SMYD3: variants seen among roughly 807,000 people sequenced by gnomAD.
SMYD3 encodes the protein SET and MYND domain containing 3.
A neutral mutation model predicts 57.7 loss-of-function variants in SMYD3; 36 were observed. That is an observed-to-expected ratio of 0.62 (90% confidence interval 0.48 to 0.82). The LOEUF is 0.82. Among genes scored for constraint, SMYD3 ranks in the 40% least tolerant of loss-of-function variants. The pLI, the probability that SMYD3 is intolerant of heterozygous loss-of-function variation, is 0.00. For synonymous variants in SMYD3, 211 were observed against 195.0 expected, an observed-to-expected ratio of 1.08 and a Z score of -0.68; for missense variants, 515 against 538.8, an observed-to-expected ratio of 0.96 and a Z score of 0.44.
intron 10 of SMYD3, among the ~76,000 whole-genome samples, chr1:245,835,185 T>C (rs539902344): frequency 7.0e-6 from 1 of 143,870 alleles, no homozygotes; most frequent in African/African-American, 2.6e-5. Flanking sequence ...AACAGCGCAA[T>C]CTTGGCTCAC....
intron 5 of SMYD3, among the ~76,000 whole-genome samples, chr1:246,275,672 C>A (rs2148558001): frequency 6.6e-6 from 1 of 151,090 alleles, no homozygotes; most frequent in South Asian, 2.1e-4. Flanking sequence ...GTCTGATGCC[C>A]ATGTTTGAAT....
At chr1:246,051,659 A>G (rs146004288) in intron 5 of SMYD3, among the ~76,000 whole-genome samples, 92 of 152,266 alleles carry the variant, frequency 6.0e-4, no homozygotes, top group African/African-American at 1.6e-3. Context: ...GTACAAAAAA[A>G]AAAAAGAAAA....
At chr1:246,125,086 AAAC>A (rs1457904556) in intron 5 of SMYD3, among the ~76,000 whole-genome samples, 32 of 111,148 alleles carry the variant, frequency 2.9e-4, no homozygotes, top group African/African-American at 5.7e-4. Context: ...AAAAAAAAAA[AAAC>A]ACACACACAC....
At chr1:245,763,968 A>C in intron 11 of SMYD3, 73 bp downstream of exon 11, 1 of 1,149,088 alleles carries the variant, frequency 8.7e-7, no homozygotes, top group Non-Finnish European at 1.3e-6. Context: ...CTGCTAACAA[A>C]TCACAAAGAG....
At chr1:245,788,367 T>C (rs559549349) in intron 10 of SMYD3, among the ~76,000 whole-genome samples, 2 of 152,238 alleles carry the variant, frequency 1.3e-5, no homozygotes, top group Non-Finnish European at 2.9e-5. Context: ...TGGAATAGAC[T>C]ACAAGCTTTG....
chr1:245,927,808 T>C (rs2056475142), intron 7 of SMYD3, 123 bp downstream of exon 7: 4 of 706,624 alleles, frequency 5.7e-6, no homozygotes, highest in Non-Finnish European at 9.8e-6. Context: ...CTACAAATAC[T>C]CTCACTGGCA....
chr1:245,867,653 C>T (rs1208578396), intron 8 of SMYD3, among the ~76,000 whole-genome samples: 2 of 132,324 alleles, frequency 1.5e-5, no homozygotes, highest in South Asian at 2.3e-4. Context: ...CATGCGCGTG[C>T]GTGTGCGTGC....
chr1:246,112,900 G>A (rs1245009586), intron 5 of SMYD3, among the ~76,000 whole-genome samples: 1 of 152,134 alleles, frequency 6.6e-6, no homozygotes, highest in Non-Finnish European at 1.5e-5. Flanking sequence ...AATAAATTTA[G>A]GCGGGGCACA....
At chr1:246,001,329 C>T (rs1014654583) in intron 5 of SMYD3, among the ~76,000 whole-genome samples, 5 of 152,202 alleles carry the variant, frequency 3.3e-5, no homozygotes, top group Admixed American at 1.3e-4. Context: ...AGTCCAAACA[C>T]GTCTGCCTAC....
intron 5 of SMYD3, among the ~76,000 whole-genome samples, chr1:245,990,745 G>A (rs1038092042): frequency 2.0e-5 from 3 of 152,208 alleles, no homozygotes; most frequent in African/African-American, 7.2e-5. Context: ...AGCCGGCCCT[G>A]CCAACAATCT....
chr1:245,996,308 A>C (rs1021362062), intron 5 of SMYD3, among the ~76,000 whole-genome samples: 2 of 152,220 alleles, frequency 1.3e-5, no homozygotes, highest in Non-Finnish European at 2.9e-5. Context: ...AGGGCAGCTC[A>C]TAACTTCCCT....
intron 5 of SMYD3, among the ~76,000 whole-genome samples, chr1:246,279,553 G>A (rs571648735): frequency 2.7e-4 from 41 of 152,204 alleles, no homozygotes; most frequent in South Asian, 1.0e-3. Flanking sequence ...AAAGATTGTT[G>A]AGACCAATGG....
intron 5 of SMYD3, among the ~76,000 whole-genome samples, chr1:246,308,924 C>A (rs909524584): frequency 6.6e-6 from 1 of 152,028 alleles, no homozygotes; most frequent in Non-Finnish European, 1.5e-5. Context: ...TATTATCCAT[C>A]TAAAAAATGT....
chr1:246,490,073 C>A (rs1032386671), intron 1 of SMYD3, among the ~76,000 whole-genome samples: 4 of 145,762 alleles, frequency 2.7e-5, no homozygotes, highest in Non-Finnish European at 5.9e-5. Context: ...AGCTTCTGGG[C>A]TCAAGTGATC....
At chr1:246,359,175 T>C (rs2065952412) in intron 1 of SMYD3, among the ~76,000 whole-genome samples, 1 of 152,216 alleles carries the variant, frequency 6.6e-6, no homozygotes, top group Admixed American at 6.5e-5. Context: ...TCAAGGCTAC[T>C]ATGAACACCT....
chr1:246,457,544 A>AAAAAGAAAAG (rs1553351025), intron 1 of SMYD3, among the ~76,000 whole-genome samples: 49 of 87,266 alleles, frequency 5.6e-4, no homozygotes, highest in South Asian at 1.1e-3. Flanking sequence ...AAAAAAAAAA[A>AAAAAGAAAAG]AAAAGAAAAG....
intron 5 of SMYD3, among the ~76,000 whole-genome samples, chr1:246,102,593 G>A (rs972402001): frequency 1.3e-5 from 2 of 151,896 alleles, no homozygotes; most frequent in East Asian, 3.9e-4. Flanking sequence ...GTTTTCACCG[G>A]CTAGCACGTT....
chr1:246,067,932 G>C (rs1398856404), intron 5 of SMYD3, among the ~76,000 whole-genome samples: 2 of 152,206 alleles, frequency 1.3e-5, no homozygotes, highest in Non-Finnish European at 2.9e-5. Context: ...AGTAGCTGCT[G>C]CAGGAAGGGG....
At chr1:246,433,378 G>A (rs1266707619) in intron 1 of SMYD3, among the ~76,000 whole-genome samples, 1 of 152,134 alleles carries the variant, frequency 6.6e-6, no homozygotes, top group Non-Finnish European at 1.5e-5. Flanking sequence ...CACTAAAATG[G>A]CCACACTCGC....
Sources: gnomAD v4.1 joint callset for allele counts (sites outside exome capture counted in the v4.1 genomes callset) on GRCh38, gnomAD v4.1.1 for gene constraint, MANE v1.5 for transcripts, NCBI Gene and HGNC (gene_info 2026-07-23, HGNC 2026-07-21) for gene names.